SRRM4: variants seen among roughly 807,000 people sequenced by gnomAD.
SRRM4 encodes serine/arginine repetitive matrix 4.
In SRRM4, 33 loss-of-function variants were observed where a neutral mutation model predicts 68.9. The ratio of observed to expected loss-of-function variants is 0.48; its 90% CI spans 0.36 to 0.64. The LOEUF (loss-of-function observed/expected upper bound fraction) is 0.64. Ranked by LOEUF, SRRM4 falls within the 30% of genes least tolerant of loss-of-function variation. The pLI is 0.00. For missense variants in SRRM4, 817 were observed against 827.1 expected, an observed-to-expected ratio of 0.99 and a Z score of 0.15; for synonymous variants, 318 against 318.8, an observed-to-expected ratio of 1.00 and a Z score of 0.03.
chr12:119,084,543 G>A (rs149959460), intron 1 of SRRM4, among the ~76,000 whole-genome samples: 1 of 152,204 alleles, frequency 6.6e-6, no homozygotes, highest in South Asian at 2.1e-4. Context: ...GCCATCTGCT[G>A]CCTGCCCCCT....
chr12:119,001,427 A>C (rs1411247652), intron 1 of SRRM4: 1 of 152,176 alleles, frequency 6.6e-6, no homozygotes, highest in Admixed American at 6.5e-5. Context: ...AACCTCTCTC[A>C]AGGTAGGAAT....
intron 8 of SRRM4, among the ~76,000 whole-genome samples, chr12:119,140,814 A>G (rs895490180): frequency 2.0e-5 from 3 of 152,222 alleles, no homozygotes; most frequent in Admixed American, 6.5e-5. Context: ...TCTGAGGGGT[A>G]TCAGGGGGAA....
At chr12:119,041,766 A>G (rs900831011) in intron 1 of SRRM4, among the ~76,000 whole-genome samples, 2 of 152,162 alleles carry the variant, frequency 1.3e-5, no homozygotes, top group Non-Finnish European at 2.9e-5. Flanking sequence ...TGAGACTCCT[A>G]TTTTTAGAGA....
intron 8 of SRRM4, among the ~76,000 whole-genome samples, 195 bp from the exon 9 acceptor site, chr12:119,145,186 G>GT (rs958832162): frequency 1.3e-5 from 2 of 151,280 alleles, no homozygotes; most frequent in African/African-American, 4.9e-5. Context: ...CTAGCAGGGG[G>GT]TAAAAAAAAA....
At chr12:119,145,162 A>G (rs2049309134) in intron 8 of SRRM4, among the ~76,000 whole-genome samples, 1 of 151,996 alleles carries the variant, frequency 6.6e-6, no homozygotes, top group South Asian at 2.1e-4. Flanking sequence ...TGATACCTAA[A>G]TCTTCCAGTT....
At chr12:119,086,510 C>T (rs1483845027) in intron 1 of SRRM4, among the ~76,000 whole-genome samples, 1 of 152,204 alleles carries the variant, frequency 6.6e-6, no homozygotes, top group Non-Finnish European at 1.5e-5. Flanking sequence ...GTTATGGCCT[C>T]TTCTACTCAA....
At chr12:119,073,414 A>G (rs1374247813) in intron 1 of SRRM4, among the ~76,000 whole-genome samples, 1 of 147,078 alleles carries the variant, frequency 6.8e-6, no homozygotes, top group Non-Finnish European at 1.5e-5. Context: ...TGCAACCTCC[A>G]CCTCCTGGAT....
intron 1 of SRRM4, among the ~76,000 whole-genome samples, chr12:119,010,973 AG>A (rs1953445347): frequency 6.6e-6 from 1 of 152,228 alleles, no homozygotes; most frequent in Non-Finnish European, 1.5e-5. Flanking sequence ...TGTAGGAAAA[AG>A]CATCTATCTA....
In SRRM4 at chr12:119,145,440, C is replaced by T; in HGVS notation, c.831C>T (p.Thr277=). 1 of 1,607,132 alleles carries T rather than the reference C, an allele frequency of 6.2e-7. No homozygotes were observed. Among genetic ancestry groups the T allele is most frequent in the Non-Finnish European group, 8.5e-7 (1 of 1,176,888 alleles). Residue 277 remains threonine (T), a synonymous_variant, in exon 9 of 13, where the codon ACC becomes ACT. Coordinates refer to ENST00000267260, the MANE Select transcript of SRRM4 (RefSeq NM_194286.4). ...LFTKTASPLT[T]SRGRSQEYDS... ...CCAAAACAGCCAGCCCGCTCACCACCTCGCGAGGACGTTCCCAGGAGTACG... is the reference window on the plus strand; with the variant it reads ...CCAAAACAGCCAGCCCGCTCACCACTTCGCGAGGACGTTCCCAGGAGTACG...
At chr12:119,028,676 T>TTTG (rs1201237295) in intron 1 of SRRM4, among the ~76,000 whole-genome samples, 2 of 152,146 alleles carry the variant, frequency 1.3e-5, no homozygotes, top group African/African-American at 4.8e-5. Flanking sequence ...AGAGCCAGGA[T>TTTG]TTGAACCTGG....
chr12:119,013,966 TTTGACCATTACTTGATGGTCAAAGTAC>T (rs1233217248), intron 1 of SRRM4, among the ~76,000 whole-genome samples: 22 of 152,194 alleles, frequency 1.4e-4, no homozygotes, highest in Non-Finnish European at 2.8e-4. Flanking sequence ...AATCATTTTA[TTTGACCATTACTTGATGGTCAAAGTAC>T]TTGACCATTA....
chr12:119,080,440 G>T (rs1236430762), intron 1 of SRRM4, among the ~76,000 whole-genome samples: 1 of 152,096 alleles, frequency 6.6e-6, no homozygotes, highest in East Asian at 1.9e-4. Context: ...TTGTCTATGT[G>T]ATAACTCATT....
At chr12:119,061,413 G>C (rs1212379062) in intron 1 of SRRM4, among the ~76,000 whole-genome samples, 1 of 152,112 alleles carries the variant, frequency 6.6e-6, no homozygotes. Flanking sequence ...CAGCACCAGG[G>C]ACAGCGACCA....
intron 10 of SRRM4, 84 bp from the exon 11 acceptor site, chr12:119,153,455 A>C: frequency 1.1e-6 from 1 of 880,970 alleles, no homozygotes; most frequent in South Asian, 1.5e-5. Flanking sequence ...CTGCCCAGGG[A>C]CCCGCTGAAT....
chr12:119,144,264 G>T (rs1954386512), intron 8 of SRRM4, among the ~76,000 whole-genome samples: 1 of 152,074 alleles, frequency 6.6e-6, no homozygotes, highest in Admixed American at 6.6e-5. Context: ...CAATACTCTA[G>T]CTGCCACTGG....
chr12:118,982,686 T>G (rs572974318), intron 1 of SRRM4, among the ~76,000 whole-genome samples: 40 of 141,294 alleles, frequency 2.8e-4, no homozygotes, highest in Middle Eastern at 3.5e-3. Context: ...TTTGTTTTTT[T>G]TTTTTTTTTC....
intron 1 of SRRM4, among the ~76,000 whole-genome samples, chr12:119,092,202 C>T (rs987154710): frequency 6.6e-6 from 1 of 152,150 alleles, no homozygotes; most frequent in African/African-American, 2.4e-5. Context: ...CAACTTTCAC[C>T]CTTAATCTAG....
rs1319745773 is a variant in SRRM4, at chr12:119,160,734, C to T, written c.*3936C>T. Reference sequence around the variant, plus strand: ...GTTGGCCTGAGGCCTGAGAGTGTCACCAAAGACAGAGGGAGCTTCACTGAG... The same window carrying T: ...GTTGGCCTGAGGCCTGAGAGTGTCATCAAAGACAGAGGGAGCTTCACTGAG... On this transcript the variant is annotated 3_prime_UTR_variant, in exon 13 of 13. Transcript: ENST00000267260. The T allele has an allele frequency of 6.6e-6, 1 of 152,134 alleles. No individual in the cohort carries two copies. The highest frequency in any genetic ancestry group is 1.5e-5 in the Non-Finnish European group (1 of 68,040). The allele number at this position is 152,134 out of a possible 1,614,324, so 9.4% of individuals were successfully genotyped here. A position where few individuals can be genotyped will look rare whatever the true frequency, so the allele number is the denominator to read the frequency against.
intron 1 of SRRM4, among the ~76,000 whole-genome samples, chr12:119,017,342 T>C (rs1158286651): frequency 6.6e-6 from 1 of 152,240 alleles, no homozygotes; most frequent in Admixed American, 6.5e-5. Context: ...CCGGATGCTA[T>C]GCCTGGAAAG....
Sources: allele counts gnomAD v4.1 joint callset (sites outside exome capture counted in the v4.1 genomes callset), GRCh38; gene constraint gnomAD v4.1.1; transcripts MANE v1.5; gene names NCBI Gene and HGNC (gene_info 2026-07-23, HGNC 2026-07-21).